The following ROBO2 variants were observed in gnomAD, a reference collection of about 807,000 sequenced individuals.
The protein encoded by ROBO2 is roundabout guidance receptor 2.
In ROBO2, 53 loss-of-function variants were observed where a neutral mutation model predicts 160.8. The ratio of observed to expected loss-of-function variants is 0.33; its 90% CI spans 0.26 to 0.41. ROBO2 has a LOEUF of 0.41. ROBO2 is among the 10% of genes least tolerant of loss of function. The probability of loss-of-function intolerance (pLI) is 1.00; values close to 1 mark genes in which losing one functional copy is unlikely to be tolerated. For synonymous variants in ROBO2, 664 were observed against 611.7 expected (o/e 1.09, Z -1.26); for missense variants, 1,577 against 1,722.4 (o/e 0.92, Z 1.49).
intron 6 of ROBO2, among the ~76,000 whole-genome samples, chr3:77,528,747 A>G (rs984087158): frequency 1.1e-4 from 16 of 151,738 alleles, no homozygotes; most frequent in Admixed American, 5.9e-4. Flanking sequence ...ATGACTTCAC[A>G]TTTCAATATT....
chr3:76,991,215 A>G (rs2060647893), intron 2 of ROBO2, among the ~76,000 whole-genome samples: 1 of 152,210 alleles, frequency 6.6e-6, no homozygotes, highest in African/African-American at 2.4e-5. Context: ...CTTGCTGCAG[A>G]CATGTATGCA....
chr3:76,154,931 A>G (rs1178930336), intron 2 of ROBO2, among the ~76,000 whole-genome samples: 1 of 152,128 alleles, frequency 6.6e-6, no homozygotes, highest in Non-Finnish European at 1.5e-5. Context: ...TTTCAGTGTC[A>G]TGATTCACAG....
chr3:76,030,963 G>A (rs1389506887), intron 2 of ROBO2, among the ~76,000 whole-genome samples: 1 of 152,070 alleles, frequency 6.6e-6, no homozygotes, highest in Non-Finnish European at 1.5e-5. Flanking sequence ...TGGGGAGTAT[G>A]GCCATTTTCA....
intron 16 of ROBO2, among the ~76,000 whole-genome samples, chr3:77,582,365 A>G (rs915049316): frequency 6.6e-6 from 1 of 152,072 alleles, no homozygotes; most frequent in South Asian, 2.1e-4. Flanking sequence ...CCTCCCAGGC[A>G]TGAGCCACCT....
At chr3:76,264,960 A>G (rs1250716622) in intron 2 of ROBO2, among the ~76,000 whole-genome samples, 1 of 152,144 alleles carries the variant, frequency 6.6e-6, no homozygotes, top group Non-Finnish European at 1.5e-5. Context: ...TTTTTTCCAT[A>G]AACTTCATTA....
intron 2 of ROBO2, among the ~76,000 whole-genome samples, chr3:76,134,102 G>A (rs76498070): frequency 5.4e-4 from 82 of 152,076 alleles, no homozygotes; most frequent in African/African-American, 1.8e-3. Flanking sequence ...ATTTTTATTC[G>A]CTAGTTTAAG....
chr3:77,456,650 A>G (rs1342680929), intron 2 of ROBO2, among the ~76,000 whole-genome samples: 1 of 152,200 alleles, frequency 6.6e-6, no homozygotes, highest in Non-Finnish European at 1.5e-5. Context: ...TAGGTGCCAT[A>G]TGTGCTGTTC....
chr3:76,993,808 C>A (rs1361139279), intron 2 of ROBO2, among the ~76,000 whole-genome samples: 1 of 151,802 alleles, frequency 6.6e-6, no homozygotes, highest in African/African-American at 2.4e-5. Flanking sequence ...AATACCCATG[C>A]ATTTCCTGTC....
At chr3:76,635,289 C>A (rs2090267598) in intron 2 of ROBO2, among the ~76,000 whole-genome samples, 1 of 152,130 alleles carries the variant, frequency 6.6e-6, no homozygotes, top group Non-Finnish European at 1.5e-5. Context: ...CTATCATCTT[C>A]GTATGTACAT....
intron 1 of ROBO2, among the ~76,000 whole-genome samples, chr3:77,073,787 G>C (rs778847689): frequency 6.6e-5 from 10 of 152,096 alleles, no homozygotes; most frequent in Non-Finnish European, 1.2e-4. Context: ...TGCACAGCTT[G>C]ACCCTCACAC....
intron 2 of ROBO2, among the ~76,000 whole-genome samples, chr3:77,327,199 T>G (rs1384181744): frequency 6.6e-6 from 1 of 152,206 alleles, no homozygotes; most frequent in Non-Finnish European, 1.5e-5. Flanking sequence ...ATATACCTTA[T>G]GTAACTAGTA....
At chr3:75,918,549 G>GT (rs1338335004) in intron 1 of ROBO2, among the ~76,000 whole-genome samples, 3 of 152,154 alleles carry the variant, frequency 2.0e-5, no homozygotes, top group South Asian at 2.1e-4. Context: ...ATTTAACATA[G>GT]TTTTTTTCTA....
At chr3:77,621,791 C>T (rs765710295) in intron 22 of ROBO2, among the ~76,000 whole-genome samples, 1 of 152,132 alleles carries the variant, frequency 6.6e-6, no homozygotes. Context: ...ATTAGGTCCT[C>T]ATGTGACATC....
chr3:76,683,617 T>C (rs1440392778), intron 2 of ROBO2, among the ~76,000 whole-genome samples: 1 of 152,192 alleles, frequency 6.6e-6, no homozygotes, highest in Non-Finnish European at 1.5e-5. Context: ...TAATCTCATG[T>C]AACTAGGATT....
chr3:77,244,452 T>A lies in ROBO2; in HGVS notation c.388+146112T>A, dbSNP rs990152866. Among the ~76,000 whole-genome samples the A allele has an allele frequency of 2.6e-5, 4 of 152,148 alleles. No homozygotes were observed. The East Asian group carries it at 7.7e-4, about 29-fold the overall frequency. On this transcript the variant is annotated intron_variant, in intron 2 of 25. Transcript: ENST00000461745. ...GCATGCGCAAAGTCAAAGTCAGGGA[T>A]CCATAAATATCATTGGGTGTGTAAT... is the stretch of plus-strand genomic sequence containing the variant.
chr3:76,375,248 C>G (rs1249470644), intron 2 of ROBO2, among the ~76,000 whole-genome samples: 1 of 151,850 alleles, frequency 6.6e-6, no homozygotes, highest in East Asian at 1.9e-4. Context: ...TTCACTAAAT[C>G]CTCACTGATA....
intron 2 of ROBO2, among the ~76,000 whole-genome samples, chr3:76,809,184 C>T (rs2064971521): frequency 6.6e-6 from 1 of 152,144 alleles, no homozygotes; most frequent in Admixed American, 6.6e-5. Context: ...CTTAGCTGGC[C>T]TTCTGCTCAG....
chr3:76,010,525 C>A (rs1489936508), intron 2 of ROBO2, among the ~76,000 whole-genome samples: 5 of 152,230 alleles, frequency 3.3e-5, no homozygotes, highest in African/African-American at 1.2e-4. Flanking sequence ...TTGAACACAG[C>A]TAGTTGGCCC....
intron 2 of ROBO2, among the ~76,000 whole-genome samples, chr3:77,251,277 G>A (rs1188807263): frequency 3.9e-5 from 6 of 152,082 alleles, no homozygotes; most frequent in African/African-American, 7.2e-5. Context: ...TGTGGACATC[G>A]CCAAGGTTTT....
Sources: allele counts gnomAD v4.1 joint callset (sites outside exome capture counted in the v4.1 genomes callset), GRCh38; gene constraint gnomAD v4.1.1; transcripts MANE v1.5; gene names NCBI Gene and HGNC (gene_info 2026-07-23, HGNC 2026-07-21).